Variants in CAMTA1 observed in about 807,000 individuals in gnomAD.
CAMTA1 encodes the protein calmodulin-binding transcription activator 1.
In CAMTA1, 27 loss-of-function variants were observed where a neutral mutation model predicts 170.9. The observed-to-expected ratio is 0.16, with a 90% CI of 0.12 to 0.22. The LOEUF is 0.22. Ranked by LOEUF, CAMTA1 falls within the 10% of genes least tolerant of loss-of-function variation. CAMTA1 has a pLI of 1.00. For synonymous variants in CAMTA1, 833 were observed against 891.5 expected, an observed-to-expected ratio of 0.93 and a Z score of 1.17; for missense variants, 1,619 against 2,217.2, an observed-to-expected ratio of 0.73 and a Z score of 5.42.
At chr1:6,923,013 A>C (rs1251322143) in intron 3 of CAMTA1, among the ~76,000 whole-genome samples, 1 of 152,212 alleles carries the variant, frequency 6.6e-6, no homozygotes, top group African/African-American at 2.4e-5. Flanking sequence ...ATTCCATCAA[A>C]TAAGTATCAA....
At chr1:7,366,000 C>G (rs2085938598) in intron 5 of CAMTA1, among the ~76,000 whole-genome samples, 1 of 152,208 alleles carries the variant, frequency 6.6e-6, no homozygotes, top group African/African-American at 2.4e-5. Flanking sequence ...TATCACATGC[C>G]GAGCCCACTG....
intron 6 of CAMTA1, among the ~76,000 whole-genome samples, chr1:7,537,923 T>C (rs2094567542): frequency 6.6e-6 from 1 of 152,246 alleles, no homozygotes; most frequent in Non-Finnish European, 1.5e-5. Flanking sequence ...CAAAGGGGTC[T>C]TTTCCTATTT....
At chr1:7,343,767 T>C (rs2084014888) in intron 5 of CAMTA1, among the ~76,000 whole-genome samples, 1 of 152,244 alleles carries the variant, frequency 6.6e-6, no homozygotes, top group Non-Finnish European at 1.5e-5. Context: ...TTGCCTGTTT[T>C]TGAACTGTAT....
At chr1:7,696,793 C>T (rs759538349) in intron 11 of CAMTA1, among the ~76,000 whole-genome samples, 8 of 151,972 alleles carry the variant, frequency 5.3e-5, no homozygotes, top group Non-Finnish European at 1.2e-4. Context: ...CACAGGGAGC[C>T]GTAGAGAAGG....
In CAMTA1 at chr1:7,635,901, A is replaced by G. The variant is rs1160149489; in HGVS notation, c.511-4499A>G. On this transcript the variant is annotated intron_variant, in intron 6 of 22. Coordinates refer to ENST00000303635, the MANE Select transcript of CAMTA1 (RefSeq NM_015215.4). The surrounding 1 kb of genome is among the most constrained non-coding windows in gnomAD (Gnocchi z 4.4). ...TTGCCAAGAAGCGATGTGTGCCCCA[A>G]ATTTCCAAAATACCTCCATCAGCCC... Among the ~76,000 whole-genome samples the G allele has an allele frequency of 6.6e-6, 1 of 152,226 alleles. No individual in the cohort carries two copies. The highest frequency in any genetic ancestry group is 1.5e-5 in the Non-Finnish European group (1 of 68,044).
chr1:7,449,816 C>G (rs2092776768), intron 5 of CAMTA1, among the ~76,000 whole-genome samples: 1 of 149,712 alleles, frequency 6.7e-6, no homozygotes, highest in Admixed American at 6.6e-5. Flanking sequence ...AAAGAAAGTA[C>G]TGGGGCCCAG....
In CAMTA1 at chr1:7,077,743, G is replaced by T. The variant is rs74051109; in HGVS notation, c.235-13561G>T. On this transcript the variant is annotated intron_variant, in intron 3 of 22. Coordinates refer to ENST00000303635, the MANE Select transcript of CAMTA1 (RefSeq NM_015215.4). ...TTTCTGCAAGGAAACGTGGTTGCTC[G>T]GAGTTAGGTGGCTCTGCTGTACTTG... Among the ~76,000 whole-genome samples, 764 of 152,192 alleles carry T rather than the reference G, an allele frequency of 5.0e-3. 9 individuals carry two copies. The highest frequency in any genetic ancestry group is 0.017 in the African/African-American group (719 of 41,516).
intron 3 of CAMTA1, among the ~76,000 whole-genome samples, chr1:6,944,636 G>A (rs967640272): frequency 2.0e-5 from 3 of 151,998 alleles, no homozygotes; most frequent in Admixed American, 1.3e-4. Flanking sequence ...CACCTGCCCC[G>A]GTCTCCCTGT....
chr1:6,798,511 G>A (rs1178644617), intron 1 of CAMTA1, among the ~76,000 whole-genome samples: 1 of 151,840 alleles, frequency 6.6e-6, no homozygotes, highest in Admixed American at 6.6e-5. Context: ...TCCACTTCTC[G>A]AGTTCACGCC....
rs1031252728 is a variant in CAMTA1 at position 7,063,850 on chromosome 1, G to C, written c.235-27454G>C. Among the ~76,000 whole-genome samples, 4 of 152,132 alleles carry C rather than the reference G, an allele frequency of 2.6e-5. No homozygotes were observed. The highest frequency in any genetic ancestry group is 4.8e-5 in the African/African-American group (2 of 41,430). ...GCCTCCTGAAGTTCATATTTTGTTG[G>C]GGGAGAGAGAAAAATAAATTCATGT... On this transcript the variant is annotated intron_variant, in intron 3 of 22. Transcript: ENST00000303635. This position sits in a 1 kb window ranked among gnomAD's most constrained non-coding sequence, Gnocchi z 4.3.
chr1:7,142,208 G>A, intron 4 of CAMTA1: 2 of 510,682 alleles, frequency 3.9e-6, no homozygotes, highest in Non-Finnish European at 7.8e-6. Context: ...GCCAAAGAGG[G>A]TGTCCCTGAA....
chr1:6,972,627 G>A (rs1252752806), intron 3 of CAMTA1, among the ~76,000 whole-genome samples: 1 of 152,188 alleles, frequency 6.6e-6, no homozygotes, highest in African/African-American at 2.4e-5. Flanking sequence ...CTATCTGGCT[G>A]TCTTAGGGGC....
chr1:7,231,348 T>TGAGAGAGA (rs148940451), intron 4 of CAMTA1, among the ~76,000 whole-genome samples: 5 of 141,404 alleles, frequency 3.5e-5, no homozygotes, highest in Non-Finnish European at 4.7e-5. Context: ...TGTGTGTGTG[T>TGAGAGAGA]GTGAGAGAGA....
At chr1:7,077,959 G>A (rs527947301) in intron 3 of CAMTA1, among the ~76,000 whole-genome samples, 1 of 152,002 alleles carries the variant, frequency 6.6e-6, no homozygotes, top group Admixed American at 6.5e-5. Context: ...CATTGTGGGT[G>A]GGGTTATTTA....
chr1:7,387,685 C>T (rs1200482539), intron 5 of CAMTA1, among the ~76,000 whole-genome samples: 3 of 152,176 alleles, frequency 2.0e-5, no homozygotes, highest in East Asian at 3.9e-4. Context: ...AAAATGTGCA[C>T]GGTGTAAAAA....
intron 1 of CAMTA1, among the ~76,000 whole-genome samples, chr1:6,815,171 A>G (rs1645635661): frequency 6.6e-6 from 1 of 151,458 alleles, no homozygotes; most frequent in South Asian, 2.1e-4. Context: ...AACAGGGAAT[A>G]TATATTATAG....
chr1:7,716,239 C>T (rs181358797), intron 11 of CAMTA1, among the ~76,000 whole-genome samples: 10 of 152,168 alleles, frequency 6.6e-5, no homozygotes, highest in African/African-American at 1.7e-4. Context: ...TACTATGTGG[C>T]CCAGGCTGGT....
chr1:7,284,177 CTTA>C (rs537622620), intron 5 of CAMTA1, among the ~76,000 whole-genome samples: 10,538 of 97,714 alleles, frequency 0.11, 509 homozygotes, highest in Non-Finnish European at 0.12. Context: ...TCTTCTTCTT[CTTA>C]TTATTATTAT....
intron 4 of CAMTA1, among the ~76,000 whole-genome samples, chr1:7,225,853 C>G (rs1381476395): frequency 6.6e-6 from 1 of 152,194 alleles, no homozygotes; most frequent in East Asian, 1.9e-4. Context: ...CTCGACTGTT[C>G]CAGTGTGGCT....
Sources: gnomAD v4.1 joint callset for allele counts (sites outside exome capture counted in the v4.1 genomes callset) on GRCh38, gnomAD v4.1.1 for gene constraint, Gnocchi (gnomAD v3.1) non-coding constraint, MANE v1.5 for transcripts, NCBI Gene and HGNC (gene_info 2026-07-23, HGNC 2026-07-21) for gene names.